ITK: variants seen among roughly 807,000 people sequenced by gnomAD.
ITK encodes IL2 inducible T cell kinase.
A neutral mutation model predicts 87.6 loss-of-function variants in ITK; 45 were observed. The observed-to-expected ratio is 0.51, with a 90% CI of 0.40 to 0.66. ITK has a LOEUF of 0.66. Among genes scored for constraint, ITK ranks in the 30% least tolerant of loss-of-function variants. ITK has a pLI of 0.00. For synonymous variants in ITK, 303 were observed against 273.6 expected, an observed-to-expected ratio of 1.11 and a Z score of -1.06; for missense variants, 605 against 766.3, an observed-to-expected ratio of 0.79 and a Z score of 2.48.
chr5:157,203,442 C>T (rs1015888386), intron 1 of ITK, among the ~76,000 whole-genome samples: 1 of 152,188 alleles, frequency 6.6e-6, no homozygotes. Flanking sequence ...TGGTCTCTGA[C>T]CTTAGGGAGC....
chr5:157,183,121 TTTAA>T (rs1753571172), intron 1 of ITK, among the ~76,000 whole-genome samples: 1 of 152,014 alleles, frequency 6.6e-6, no homozygotes, highest in African/African-American at 2.4e-5. Context: ...AAAGTATTTC[TTTAA>T]TTATTTAATT....
intron 6 of ITK, among the ~76,000 whole-genome samples, chr5:157,225,021 G>A (rs1324848803): frequency 1.3e-5 from 2 of 151,672 alleles, no homozygotes; most frequent in South Asian, 2.1e-4. Flanking sequence ...TTGAGACAGG[G>A]TCTTGCTCTG....
In ITK at chr5:157,183,707, T is replaced by C. The variant is rs527518601; in HGVS notation, c.138+2592T>C. On this transcript the variant is annotated intron_variant, in intron 1 of 16. Coordinates refer to ENST00000422843, the MANE Select transcript of ITK (RefSeq NM_005546.4). ...AAATATAAGTTTTGTGGGGTAGATATACATGCATTATGAGCTGTTTGGCCA... is the reference window on the plus strand; with the variant it reads ...AAATATAAGTTTTGTGGGGTAGATACACATGCATTATGAGCTGTTTGGCCA... Among the ~76,000 whole-genome samples the C allele has an allele frequency of 4.1e-4, 62 of 152,326 alleles. 1 individual carries two copies. The South Asian group carries it at 0.011, about 26-fold the overall frequency.
intron 6 of ITK, among the ~76,000 whole-genome samples, chr5:157,225,738 T>C (rs551061205): frequency 6.6e-6 from 1 of 152,164 alleles, no homozygotes; most frequent in Non-Finnish European, 1.5e-5. Flanking sequence ...ATTGAGCTAG[T>C]CACATCACCT....
intron 1 of ITK, among the ~76,000 whole-genome samples, chr5:157,197,081 G>A (rs1753866685): frequency 6.6e-6 from 1 of 152,174 alleles, no homozygotes; most frequent in African/African-American, 2.4e-5. Flanking sequence ...CCTTGATCTA[G>A]TAAGAATGGG....
At position 157,247,917 on chromosome 5, in the gene ITK, G is replaced by A. The variant is rs546174178; in HGVS notation, c.1634-933G>A. Reference sequence around the variant, plus strand: ...CATTCTGAAACCATGTTTCAGCATCGGCACATTTTCAAAAAAATTTTCACT... The same window carrying A: ...CATTCTGAAACCATGTTTCAGCATCAGCACATTTTCAAAAAAATTTTCACT... On this transcript the variant is annotated intron_variant, in intron 15 of 16. Transcript: ENST00000422843. Among the ~76,000 whole-genome samples the A allele has an allele frequency of 8.7e-4, 132 of 152,122 alleles. 1 individual carries two copies. Among genetic ancestry groups the A allele is most frequent in the African/African-American group, 2.8e-3 (117 of 41,482 alleles).
chr5:157,209,694 T>C (rs1754149383), intron 2 of ITK, among the ~76,000 whole-genome samples: 1 of 152,134 alleles, frequency 6.6e-6, no homozygotes, highest in African/African-American at 2.4e-5. Flanking sequence ...TGCTTGGAGA[T>C]TCTGAGGCAA....
intron 1 of ITK, among the ~76,000 whole-genome samples, chr5:157,207,483 C>T (rs951985101): frequency 1.4e-5 from 2 of 142,782 alleles, no homozygotes; most frequent in Non-Finnish European, 3.0e-5. Flanking sequence ...CGGATTCACG[C>T]CATTCTCCTG....
At chr5:157,200,183 G>GAC (rs1192547160) in intron 1 of ITK, among the ~76,000 whole-genome samples, 2 of 152,230 alleles carry the variant, frequency 1.3e-5, no homozygotes, top group African/African-American at 4.8e-5. Context: ...TTACCCTTGT[G>GAC]AAGATTTGTA....
At chr5:157,235,965 T>G (rs1273007553) in intron 8 of ITK, among the ~76,000 whole-genome samples, 2 of 152,248 alleles carry the variant, frequency 1.3e-5, no homozygotes, top group Non-Finnish European at 2.9e-5. Flanking sequence ...GTTCTTGTCC[T>G]AGTATTGTAT....
intron 11 of ITK, 102 bp from the exon 12 acceptor site, chr5:157,243,521 C>A: frequency 2.1e-6 from 2 of 932,096 alleles, no homozygotes; most frequent in Non-Finnish European, 3.6e-6. Flanking sequence ...ATTATATTAA[C>A]AATAGGCTAA....
Position 157,227,687 on chromosome 5 carries a change from A to G in ITK, c.648-609A>G, listed in dbSNP as rs373471106. Among the ~76,000 whole-genome samples the G allele has an allele frequency of 6.6e-5, 10 of 152,294 alleles. No homozygotes were observed. The South Asian group carries it at 8.3e-4, about 13-fold the overall frequency. ...ATTAATCTTTTTTTCCAGTAGAGGA[A>G]ATTTCACAATGAGGAGAACAGCAAA... On this transcript the variant is annotated intron_variant, in intron 6 of 16. Transcript: ENST00000422843.
intron 1 of ITK, among the ~76,000 whole-genome samples, chr5:157,182,797 T>C (rs888978977): frequency 6.6e-6 from 1 of 152,236 alleles, no homozygotes; most frequent in Non-Finnish European, 1.5e-5. Flanking sequence ...ATTTAGTTAG[T>C]ATTAATAATT....
intron 8 of ITK, among the ~76,000 whole-genome samples, chr5:157,232,713 T>C (rs186494639): frequency 1.3e-5 from 2 of 152,256 alleles, no homozygotes; most frequent in African/African-American, 4.8e-5. Context: ...GGATTAACGA[T>C]AGTTTTCATG....
intron 7 of ITK, among the ~76,000 whole-genome samples, chr5:157,229,743 C>T (rs532448207): frequency 2.6e-5 from 4 of 152,142 alleles, no homozygotes; most frequent in Admixed American, 6.5e-5. Flanking sequence ...GTGAAACCAC[C>T]GTCTCTACTA....
At chr5:157,223,366 C>A (rs964014651) in intron 6 of ITK, among the ~76,000 whole-genome samples, 7 of 152,020 alleles carry the variant, frequency 4.6e-5, no homozygotes, top group Non-Finnish European at 1.5e-5. Context: ...TTAAGTGAGG[C>A]TGAAGGTACA....
At chr5:157,191,312 G>A (rs552935736) in intron 1 of ITK, among the ~76,000 whole-genome samples, 62 of 152,068 alleles carry the variant, frequency 4.1e-4, no homozygotes, top group African/African-American at 1.4e-3. Flanking sequence ...TGTTTTGATG[G>A]GAAAGTGCCT....
intron 1 of ITK, among the ~76,000 whole-genome samples, chr5:157,202,671 G>C (rs1754000369): frequency 6.6e-6 from 1 of 152,002 alleles, no homozygotes; most frequent in African/African-American, 2.4e-5. Flanking sequence ...GGGATTGCTG[G>C]GTCAAATGGT....
At chr5:157,188,037 G>A (rs1753680943) in intron 1 of ITK, among the ~76,000 whole-genome samples, 1 of 152,144 alleles carries the variant, frequency 6.6e-6, no homozygotes, top group South Asian at 2.1e-4. Flanking sequence ...CTGGGCTCAA[G>A]CAATCCTCCT....
Sources: allele counts gnomAD v4.1 joint callset (sites outside exome capture counted in the v4.1 genomes callset), GRCh38; gene constraint gnomAD v4.1.1; transcripts MANE v1.5; gene names NCBI Gene and HGNC (gene_info 2026-07-23, HGNC 2026-07-21).